The following SYN2 variants were observed in gnomAD, a reference collection of about 807,000 sequenced individuals.
SYN2 encodes synapsin II.
SYN2 carries 19 observed loss-of-function variants against 50.9 expected under a neutral mutation model. That is an observed-to-expected ratio of 0.37 (90% CI 0.26 to 0.55). The LOEUF (loss-of-function observed/expected upper bound fraction) is 0.55. Ranked by LOEUF, SYN2 falls within the 20% of genes least tolerant of loss-of-function variation. The pLI is 0.81. For synonymous variants in SYN2, 255 were observed against 224.9 expected (o/e 1.13, Z -1.20); for missense variants, 587 against 576.4 (o/e 1.02, Z -0.19).
At chr3:12,055,345 G>C (rs891167559) in intron 1 of SYN2, among the ~76,000 whole-genome samples, 4 of 152,044 alleles carry the variant, frequency 2.6e-5, no homozygotes, top group African/African-American at 9.7e-5. Context: ...ATATTTAAGA[G>C]ATGCAGCAAA....
intron 1 of SYN2, among the ~76,000 whole-genome samples, chr3:12,035,507 A>T (rs896337086): frequency 2.0e-5 from 3 of 152,242 alleles, no homozygotes; most frequent in Non-Finnish European, 4.4e-5. Flanking sequence ...TTGACAGCTA[A>T]TGTGTAATAC....
chr3:12,180,358 TC>T (rs1426466339), intron 10 of SYN2, among the ~76,000 whole-genome samples: 2 of 152,188 alleles, frequency 1.3e-5, no homozygotes, highest in Admixed American at 6.5e-5. Flanking sequence ...CAATCCAACT[TC>T]CTGAGGAAAG....
chr3:12,141,680 G>A (rs1697023341), intron 2 of SYN2, among the ~76,000 whole-genome samples: 1 of 152,168 alleles, frequency 6.6e-6, no homozygotes, highest in African/African-American at 2.4e-5. Context: ...GTCCTGAAAA[G>A]TTACTTAACT....
chr3:12,005,459 A>G (rs962171184), intron 1 of SYN2, among the ~76,000 whole-genome samples: 1 of 152,078 alleles, frequency 6.6e-6, no homozygotes, highest in African/African-American at 2.4e-5. Context: ...CAGGTTGATG[A>G]AATCACACAT....
At chr3:12,157,069 C>G (rs751235842) in intron 5 of SYN2, 10 of 657,928 alleles carry the variant, frequency 1.5e-5, no homozygotes, top group Non-Finnish European at 2.6e-5. Context: ...CCTCAGATGT[C>G]CCTACTGGGT....
At position 12,123,991 on chromosome 3, in the gene SYN2, A is replaced by G. The variant is rs560085939; in HGVS notation, c.378-16660A>G. On this transcript the variant is annotated intron_variant, in intron 1 of 12. Transcript: ENST00000621198. ...ACACCACTACACTCCAGCCTGGCAG[A>G]CAGAGCAAGACCCTGTCTCAAAGAA... is the stretch of plus-strand genomic sequence containing the variant. Among the ~76,000 whole-genome samples the G allele has an allele frequency of 4.6e-5, 7 of 152,288 alleles. No individual in the cohort carries two copies. In the East Asian group the frequency reaches 9.6e-4, roughly 21 times the overall value.
intron 1 of SYN2, among the ~76,000 whole-genome samples, chr3:12,049,998 C>T (rs144334139): frequency 6.6e-6 from 1 of 152,302 alleles, no homozygotes; most frequent in East Asian, 1.9e-4. Flanking sequence ...CTCCAGGATT[C>T]AAGCGATTCT....
chr3:12,016,377 T>C, intron 1 of SYN2, among the ~76,000 whole-genome samples: 1 of 152,206 alleles, frequency 6.6e-6, no homozygotes, highest in East Asian at 1.9e-4. Flanking sequence ...CAAATAATTA[T>C]AGAATATATG....
intron 1 of SYN2, among the ~76,000 whole-genome samples, chr3:12,014,870 C>T (rs980824120): frequency 3.9e-5 from 6 of 152,164 alleles, no homozygotes; most frequent in African/African-American, 1.4e-4. Flanking sequence ...TCAGAACTAT[C>T]ACAAACAATA....
intron 1 of SYN2, among the ~76,000 whole-genome samples, chr3:12,090,278 A>G (rs1695797652): frequency 6.6e-6 from 1 of 152,154 alleles, no homozygotes; most frequent in African/African-American, 2.4e-5. Context: ...CAAATATTTT[A>G]TTTATAAATG....
chr3:12,172,742 G>A (rs1697965006), intron 10 of SYN2, among the ~76,000 whole-genome samples: 1 of 152,178 alleles, frequency 6.6e-6, no homozygotes, highest in Non-Finnish European at 1.5e-5. Context: ...ATACCATGTG[G>A]CCTGAGGGGC....
chr3:12,099,986 A>AAAAAAAT (rs58685098), intron 1 of SYN2, among the ~76,000 whole-genome samples: 6 of 150,586 alleles, frequency 4.0e-5, no homozygotes, highest in Non-Finnish European at 8.9e-5. Context: ...AAAAAAAAAA[A>AAAAAAAT]GAAGTGCCTA....
chr3:12,078,199 A>C (rs959799953), intron 1 of SYN2, among the ~76,000 whole-genome samples: 1 of 152,114 alleles, frequency 6.6e-6, no homozygotes, highest in African/African-American at 2.4e-5. Flanking sequence ...AACTCTTTGT[A>C]GATTCTGGAT....
intron 1 of SYN2, among the ~76,000 whole-genome samples, chr3:12,104,002 T>C (rs1696127786): frequency 6.6e-6 from 1 of 152,126 alleles, no homozygotes; most frequent in African/African-American, 2.4e-5. Context: ...AGTGAAAATA[T>C]CTAAACAAGA....
At chr3:12,091,838 A>G (rs1276195468) in intron 1 of SYN2, among the ~76,000 whole-genome samples, 1 of 152,204 alleles carries the variant, frequency 6.6e-6, no homozygotes, top group African/African-American at 2.4e-5. Context: ...CAGCCTATGT[A>G]CAACTGTTTT....
At chr3:12,159,663 C>T (rs894507092) in intron 5 of SYN2, among the ~76,000 whole-genome samples, 1 of 152,186 alleles carries the variant, frequency 6.6e-6, no homozygotes, top group Non-Finnish European at 1.5e-5. Context: ...AAAGCCCTCT[C>T]GAGGCCCTAG....
chr3:12,051,232 A>G (rs1302078044), intron 1 of SYN2, among the ~76,000 whole-genome samples: 2 of 152,194 alleles, frequency 1.3e-5, no homozygotes, highest in Non-Finnish European at 2.9e-5. Flanking sequence ...GTTTTTATCA[A>G]AAAATTATAG....
intron 5 of SYN2, chr3:12,156,845 G>A: frequency 6.2e-7 from 1 of 1,614,158 alleles, no homozygotes; most frequent in Non-Finnish European, 8.5e-7. Flanking sequence ...GCTTCTGGCT[G>A]TTGGCTTCTA....
intron 1 of SYN2, among the ~76,000 whole-genome samples, chr3:12,123,825 A>G (rs1308774795): frequency 2.0e-5 from 3 of 152,100 alleles, no homozygotes; most frequent in Admixed American, 6.5e-5. Context: ...CCTGGGCAAC[A>G]TGGCAAAACC....
Sources: allele counts gnomAD v4.1 joint callset (sites outside exome capture counted in the v4.1 genomes callset), GRCh38; gene constraint gnomAD v4.1.1; transcripts MANE v1.5; gene names NCBI Gene and HGNC (gene_info 2026-07-23, HGNC 2026-07-21).